DENND2D: variants seen among roughly 807,000 people sequenced by gnomAD.
DENND2D encodes DENN domain-containing protein 2D.
In DENND2D, 37 loss-of-function variants were observed where a neutral mutation model predicts 59.8. The ratio of observed to expected loss-of-function variants is 0.62; its 90% CI spans 0.48 to 0.81. DENND2D has a LOEUF of 0.81. Among genes scored for constraint, DENND2D ranks in the 40% least tolerant of loss-of-function variants. The probability of loss-of-function intolerance (pLI) is 0.00; values close to 1 mark genes in which losing one functional copy is unlikely to be tolerated. For missense variants in DENND2D, 525 were observed against 579.7 expected (o/e 0.91, Z 0.97); for synonymous variants, 219 against 211.3 (o/e 1.04, Z -0.31).
At chr1:111,195,291 G>T (rs1246159316) in intron 6 of DENND2D, 1 of 155,110 alleles carries the variant, frequency 6.4e-6, no homozygotes, top group Non-Finnish European at 1.4e-5. Flanking sequence ...CCAGAAAATA[G>T]TATAGCTTGG....
intron 8 of DENND2D, among the ~76,000 whole-genome samples, chr1:111,190,997 A>C (rs912043107): frequency 6.6e-6 from 1 of 152,226 alleles, no homozygotes; most frequent in Non-Finnish European, 1.5e-5. Flanking sequence ...TCTGTGGAGT[A>C]ATCCCTTACC....
Position 111,197,217 on chromosome 1 carries a change from A to T in DENND2D, c.463T>A (p.Cys155Ser), listed in dbSNP as rs1242775151. 1 of 1,613,948 alleles carries T rather than the reference A, an allele frequency of 6.2e-7. No homozygotes were observed. The highest frequency in any genetic ancestry group is 1.7e-5 in the Admixed American group (1 of 59,996). Residue 155 changes from cysteine to serine, a missense_variant, in exon 5 of 12, where the codon TGC becomes AGC. By Grantham distance (112) the Cys-to-Ser change is moderately radical (BLOSUM62 -1). Transcript: ENST00000357640. Reference sequence around the variant, plus strand: ...AAGCAGCCGATGCAGCTGATGATGCAGTACACTTTGGGAAGGCGAGGGCCA... The same window carrying T: ...AAGCAGCCGATGCAGCTGATGATGCTGTACACTTTGGGAAGGCGAGGGCCA... ...GPGPRLPKVY[C>S]IISCIGCFGL...
upstream of DENND2D, chr1:111,204,226 G>A: frequency 7.1e-7 from 1 of 1,404,922 alleles, no homozygotes; most frequent in Non-Finnish European, 9.2e-7. Flanking sequence ...CCGGGCCCCA[G>A]CCGCCAGCCC....
chr1:111,189,420 C>T (rs1409149306), intron 8 of DENND2D, 167 bp from the exon 9 acceptor site: 3 of 678,188 alleles, frequency 4.4e-6, no homozygotes, highest in Admixed American at 5.4e-5. Context: ...CTCACCATTC[C>T]CCTCTGGAGA....
chr1:111,200,816 A>G (rs1026865733), upstream of DENND2D: 6 of 794,496 alleles, frequency 7.6e-6, no homozygotes, highest in African/African-American at 9.0e-5. Flanking sequence ...TTATGGGCTA[A>G]GGGTTTTGAA....
chr1:111,189,207 CTT>C lies in DENND2D; in HGVS notation c.1014+3_1014+4del, dbSNP rs749031900. The C allele has an allele frequency of 6.2e-7, 1 of 1,614,182 alleles. No individual in the cohort carries two copies. Among genetic ancestry groups the C allele is most frequent in the Admixed American group, 1.7e-5 (1 of 60,030 alleles). On this transcript the variant is annotated splice_donor_region_variant and intron_variant, in intron 9 of 11. Transcript: ENST00000357640. ...CCTGCAGGGGATCTGAACCCAGACA[CTT>C]ACCGACATTAAGAAGGTTCCTTCAC...
In DENND2D at chr1:111,198,688, T is replaced by C. The variant is rs1658493494; in HGVS notation, c.298A>G (p.Ile100Val). The change falls in exon 3 of 12, where the codon ATC (isoleucine) becomes GTC (valine). Residue 100 changes from isoleucine (I) to valine (V), a missense_variant. Physicochemically the swap from Ile to Val is conservative, Grantham distance 29. Coordinates refer to ENST00000357640, the MANE Select transcript of DENND2D (RefSeq NM_024901.5). Reference sequence around the variant, plus strand: ...CCATCTGGGAAGCAGAACAAGGGGATAGCTTTGAGCAGCCGCTCCTCCTCC... The same window carrying C: ...CCATCTGGGAAGCAGAACAAGGGGACAGCTTTGAGCAGCCGCTCCTCCTCC... ...QEEEERLLKA[I>V]PLFCFPDGNE... 6.2e-7 allele frequency: 1 copy of C among 1,614,170 alleles called. No homozygotes were observed. The highest frequency in any genetic ancestry group is 8.5e-7 in the Non-Finnish European group (1 of 1,180,030).
chr1:111,194,203 C>T (rs924767342), intron 7 of DENND2D, among the ~76,000 whole-genome samples: 1 of 152,202 alleles, frequency 6.6e-6, no homozygotes, highest in Non-Finnish European at 1.5e-5. Context: ...AACCAGTTGA[C>T]ACACAATAAA....
At chr1:111,197,850 G>C (rs761121518) in intron 4 of DENND2D, 70 bp downstream of exon 4, 5 of 1,607,768 alleles carry the variant, frequency 3.1e-6, no homozygotes, top group South Asian at 1.1e-5. Context: ...TGCAGCTCAG[G>C]CTTGAGCAAG....
At chr1:111,197,504 G>T in intron 4 of DENND2D, 1 of 1,403,824 alleles carries the variant, frequency 7.1e-7, no homozygotes, top group Non-Finnish European at 9.3e-7. Flanking sequence ...GGTAGCAAGT[G>T]TGCCTTAGAG....
At chr1:111,193,888 GAACTT>G (rs1385265683) in intron 7 of DENND2D, among the ~76,000 whole-genome samples, 2 of 152,218 alleles carry the variant, frequency 1.3e-5, no homozygotes, top group Non-Finnish European at 2.9e-5. Flanking sequence ...ACTCAACTGT[GAACTT>G]AAGAACAGAA....
intron 8 of DENND2D, among the ~76,000 whole-genome samples, chr1:111,190,909 G>A (rs554009989): frequency 6.6e-6 from 1 of 152,120 alleles, no homozygotes; most frequent in Non-Finnish European, 1.5e-5. Context: ...TGAGGGATTG[G>A]GGGGAGAGAG....
At chr1:111,190,956 G>A (rs1052053376) in intron 8 of DENND2D, among the ~76,000 whole-genome samples, 1 of 152,170 alleles carries the variant, frequency 6.6e-6, no homozygotes, top group Non-Finnish European at 1.5e-5. Context: ...ATTGTTCCCA[G>A]AAATCTTTCC....
At chr1:111,190,309 G>A (rs1417232583) in intron 8 of DENND2D, among the ~76,000 whole-genome samples, 1 of 152,162 alleles carries the variant, frequency 6.6e-6, no homozygotes, top group East Asian at 1.9e-4. Flanking sequence ...AGTGAGATAA[G>A]CACTGGGCTG....
intron 7 of DENND2D, among the ~76,000 whole-genome samples, chr1:111,192,814 C>T (rs1382809215): frequency 6.6e-6 from 1 of 152,166 alleles, no homozygotes; most frequent in Non-Finnish European, 1.5e-5. Context: ...GCCTTTTTAC[C>T]TCGCTATGTC....
chr1:111,189,292 C>A, intron 8 of DENND2D, 39 bp from the exon 9 acceptor site: 1 of 1,610,828 alleles, frequency 6.2e-7, no homozygotes. Context: ...GGTCCTCTTT[C>A]TTCATAGACC....
chr1:111,197,349 G>C (rs1658340722), intron 4 of DENND2D, 96 bp from the exon 5 acceptor site: 1 of 1,526,360 alleles, frequency 6.6e-7, no homozygotes. Context: ...GGCTGGGGAG[G>C]GGGATTTATG....
Position 111,188,231 on chromosome 1 carries a change from C to T in DENND2D, c.1239G>A (p.Leu413=). 2 of 1,614,142 alleles carry T rather than the reference C, an allele frequency of 1.2e-6. No homozygotes were observed. Among genetic ancestry groups the T allele is most frequent in the South Asian group, 2.2e-5 (2 of 91,066 alleles). The change falls in exon 11 of 12, where the codon CTG becomes CTA. Residue 413 remains leucine, a synonymous_variant. Coordinates refer to ENST00000357640, the MANE Select transcript of DENND2D (RefSeq NM_024901.5). The part of the protein sequence containing the change: ...HFQERSFCKA[L]TSKTNRRFVK... ...CAAATCGGCGGTTGGTCTTGGAGGT[C>T]AGAGCCTTACAGAAGGATCTTTCTT...
intron 9 of DENND2D, 56 bp downstream of exon 9, chr1:111,189,156 A>G: frequency 1.3e-6 from 2 of 1,578,416 alleles, no homozygotes; most frequent in Non-Finnish European, 1.7e-6. Context: ...CATGGATGAA[A>G]CTAGAGTGGT....
Sources: gnomAD v4.1 joint callset for allele counts (sites outside exome capture counted in the v4.1 genomes callset) on GRCh38, gnomAD v4.1.1 for gene constraint, MANE v1.5 for transcripts, NCBI Gene and HGNC (gene_info 2026-07-23, HGNC 2026-07-21) for gene names.